Variants in RYR3 observed in about 807,000 individuals in gnomAD.
RYR3 encodes brain ryanodine receptor-calcium release channel.
RYR3 carries 207 observed loss-of-function variants against 584.3 expected under a neutral mutation model. That is an observed-to-expected ratio of 0.35 (90% CI 0.32 to 0.40). The LOEUF is 0.40. Ranked by LOEUF, RYR3 falls within the 10% of genes least tolerant of loss-of-function variation. The pLI is 1.00. For synonymous variants in RYR3, 2,416 were observed against 2,248.5 expected, an observed-to-expected ratio of 1.07 and a Z score of -2.11; for missense variants, 5,616 against 6,089.2, an observed-to-expected ratio of 0.92 and a Z score of 2.59.
At chr15:33,834,523 T>C (rs943191796) in intron 86 of RYR3, among the ~76,000 whole-genome samples, 1 of 151,972 alleles carries the variant, frequency 6.6e-6, no homozygotes, top group African/African-American at 2.4e-5. Context: ...GTTATCAGCA[T>C]GTGTAACTTT....
intron 1 of RYR3, among the ~76,000 whole-genome samples, chr15:33,361,650 G>A (rs1974784507): frequency 1.3e-5 from 2 of 152,258 alleles, no homozygotes; most frequent in South Asian, 4.2e-4. Flanking sequence ...CCTTCGCTGT[G>A]ACTTCCTTTA....
chr15:33,425,369 C>A lies in RYR3; in HGVS notation c.52-48050C>A, dbSNP rs968937278. Among the ~76,000 whole-genome samples the A allele has an allele frequency of 3.3e-5, 5 of 152,128 alleles. No individual in the cohort carries two copies. The East Asian group carries it at 9.6e-4, about 29-fold the overall frequency. On this transcript the variant is annotated intron_variant, in intron 1 of 103. Coordinates refer to ENST00000634891, the MANE Select transcript of RYR3 (RefSeq NM_001036.6). ...TGTGGGAAATTCTGACTCCTCCTGT[C>A]GTCATTGTATTTCCAAAACAGTTCA... is the stretch of plus-strand genomic sequence containing the variant.
At chr15:33,618,115 A>G (rs530036651) in intron 19 of RYR3, among the ~76,000 whole-genome samples, 2 of 152,346 alleles carry the variant, frequency 1.3e-5, no homozygotes, top group East Asian at 3.9e-4. Context: ...TCAGATAGAC[A>G]GCATTATACA....
At chr15:33,558,052 G>A (rs11639327) in intron 10 of RYR3, among the ~76,000 whole-genome samples, 106,177 of 152,082 alleles carry the variant, frequency 0.7, 39,083 homozygotes, top group Middle Eastern at 0.85. Flanking sequence ...CGTATGAAAT[G>A]CAAAGAAATC....
chr15:33,428,378 AG>A (rs1207678034), intron 1 of RYR3, among the ~76,000 whole-genome samples: 1 of 152,236 alleles, frequency 6.6e-6, no homozygotes, highest in Non-Finnish European at 1.5e-5. Flanking sequence ...ATTTATGAAA[AG>A]TCATTGTGTG....
At chr15:33,447,454 T>TA (rs2046766348) in intron 1 of RYR3, among the ~76,000 whole-genome samples, 1 of 152,146 alleles carries the variant, frequency 6.6e-6, no homozygotes, top group Non-Finnish European at 1.5e-5. Context: ...CATGCCCACT[T>TA]ACTTTCCTCC....
At chr15:33,732,394 A>G (rs1021628528) in intron 48 of RYR3, among the ~76,000 whole-genome samples, 9 of 151,770 alleles carry the variant, frequency 5.9e-5, no homozygotes, top group African/African-American at 2.2e-4. Context: ...TCTCAAAAAA[A>G]AAAAAAAAGC....
At chr15:33,718,357 A>G (rs1347798208) in intron 43 of RYR3, among the ~76,000 whole-genome samples, 1 of 152,166 alleles carries the variant, frequency 6.6e-6, no homozygotes, top group Non-Finnish European at 1.5e-5. Flanking sequence ...TGACTTATTG[A>G]AGAAATATAT....
In RYR3 at chr15:33,739,765, T is replaced by C. The variant is rs2069885755; in HGVS notation, c.7657-67T>C. On this transcript the variant is annotated intron_variant, in intron 50 of 103. Transcript: ENST00000634891. ...TTTATTTCTGTTTTCAGCTGATTGG[T>C]GATTGGTTCTGTCTAAAGGCATGGT... The C allele has an allele frequency of 3.0e-6, 4 of 1,330,980 alleles. No individual in the cohort carries two copies. The African/African-American group carries it at 5.9e-5, about 20-fold the overall frequency. 82.4% of individuals were successfully genotyped at this position (1,330,980 alleles called of 1,614,324 possible).
At chr15:33,319,532 A>G (rs1019330929) in intron 1 of RYR3, among the ~76,000 whole-genome samples, 29 of 152,254 alleles carry the variant, frequency 1.9e-4, no homozygotes, top group Non-Finnish European at 1.8e-4. Flanking sequence ...AACAGATCTC[A>G]TCTCTTTGCA....
chr15:33,844,087 T>G (rs1028236748), intron 92 of RYR3, among the ~76,000 whole-genome samples: 1 of 152,240 alleles, frequency 6.6e-6, no homozygotes, highest in Non-Finnish European at 1.5e-5. Context: ...AGTGAATTAA[T>G]GAAGGGTCCT....
intron 3 of RYR3, among the ~76,000 whole-genome samples, chr15:33,515,253 C>T (rs554539196): frequency 1.3e-5 from 2 of 152,240 alleles, no homozygotes; most frequent in East Asian, 3.9e-4. Context: ...CTGTCTAAAC[C>T]ATCGAAGCCA....
intron 1 of RYR3, among the ~76,000 whole-genome samples, chr15:33,464,499 T>C (rs200322602): frequency 0.013 from 989 of 76,024 alleles, 33 homozygotes; most frequent in East Asian, 0.042. Flanking sequence ...TACACATATA[T>C]ATATACATAC....
At chr15:33,553,368 G>A (rs1046591221) in intron 10 of RYR3, among the ~76,000 whole-genome samples, 1 of 152,086 alleles carries the variant, frequency 6.6e-6, no homozygotes, top group Non-Finnish European at 1.5e-5. Context: ...TAAATTAGGG[G>A]CCACTGGACA....
In RYR3 at chr15:33,729,013, C is replaced by G; in HGVS notation, c.7190C>G (p.Ala2397Gly). The G allele has an allele frequency of 1.9e-6, 3 of 1,613,678 alleles. No homozygotes were observed. Among genetic ancestry groups the G allele is most frequent in the Non-Finnish European group, 1.7e-6 (2 of 1,179,750 alleles). Residue 2397 changes from alanine (A) to glycine (G), a missense_variant, in exon 47 of 104, where the codon GCC becomes GGC. Ala to Gly is a moderately conservative substitution (Grantham distance 60). Around this residue, in one of 9 missense-constraint regions of RYR3, gnomAD observed 1,280 missense variants for 1,426.2 expected, o/e 0.90. Transcript: ENST00000634891. ...VGFLPDLRAS[A>G]SLDTVSLSTT... is the part of the protein sequence containing the mutation. Reference sequence around the variant, plus strand: ...TTTTTACCTGACCTAAGAGCTTCTGCCTCTCTAGATACAGTAAGTTGCAAA... The same window carrying G: ...TTTTTACCTGACCTAAGAGCTTCTGGCTCTCTAGATACAGTAAGTTGCAAA...
At chr15:33,761,362 TAAA>T (rs1217010009) in intron 60 of RYR3, among the ~76,000 whole-genome samples, 5 of 151,260 alleles carry the variant, frequency 3.3e-5, no homozygotes, top group African/African-American at 9.7e-5. Flanking sequence ...GCCAGACTAA[TAAA>T]GAAGAAAAGA....
chr15:33,462,286 T>G (rs2676092), intron 1 of RYR3, among the ~76,000 whole-genome samples: 1 of 152,104 alleles, frequency 6.6e-6, no homozygotes, highest in Non-Finnish European at 1.5e-5. Flanking sequence ...AACATGTCAG[T>G]AAATTGCAGT....
chr15:33,611,711 C>T (rs1353539898), intron 18 of RYR3, among the ~76,000 whole-genome samples: 4 of 151,820 alleles, frequency 2.6e-5, no homozygotes, highest in African/African-American at 4.8e-5. Context: ...CAGGCTGGAG[C>T]GCAGTGGCAT....
rs186029586 is a variant in RYR3, at chr15:33,769,857, G to A, written c.8816+685G>A. Among the ~76,000 whole-genome samples the A allele has an allele frequency of 9.5e-4, 145 of 152,266 alleles. 1 individual carries two copies. Among genetic ancestry groups the A allele is most frequent in the Non-Finnish European group, 1.4e-3 (96 of 68,008 alleles). ...CCAACTACTCGGGTGGCTGAGGTGG[G>A]AGGATGGCTTGAGCCCAGGAGGTGG... On this transcript the variant is annotated intron_variant, in intron 62 of 103. Transcript: ENST00000634891.
Sources: gnomAD v4.1 joint callset for allele counts (sites outside exome capture counted in the v4.1 genomes callset) on GRCh38, gnomAD v4.1.1 for gene constraint, gnomAD v4.1.1 regional missense constraint, MANE v1.5 for transcripts, NCBI Gene and HGNC (gene_info 2026-07-23, HGNC 2026-07-21) for gene names.